GRID2: variants seen among roughly 807,000 people sequenced by gnomAD.
GRID2 encodes glutamate ionotropic receptor delta type subunit 2.
Under a neutral mutation model 114.8 loss-of-function variants are expected in GRID2, and 33 were observed. The ratio of observed to expected loss-of-function variants is 0.29; its 90% CI spans 0.22 to 0.38. The LOEUF is 0.38. GRID2 is among the 10% of genes least tolerant of loss of function. The pLI, the probability that GRID2 is intolerant of heterozygous loss-of-function variation, is 1.00. For missense variants in GRID2, 1,184 were observed against 1,257.7 expected, an observed-to-expected ratio of 0.94 and a Z score of 0.89; for synonymous variants, 505 against 449.9, an observed-to-expected ratio of 1.12 and a Z score of -1.55.
chr4:93,606,064 T>TTGGGTCAG (rs1401239916), intron 13 of GRID2, among the ~76,000 whole-genome samples: 1 of 151,980 alleles, frequency 6.6e-6, no homozygotes, highest in Non-Finnish European at 1.5e-5. Context: ...GTCAGGAGTT[T>TTGGGTCAG]GAGACCAGCC....
At chr4:93,126,624 G>A (rs1734292159) in intron 4 of GRID2, among the ~76,000 whole-genome samples, 1 of 108,418 alleles carries the variant, frequency 9.2e-6, no homozygotes, top group Non-Finnish European at 1.7e-5. Flanking sequence ...TTGAGACGGA[G>A]TCTCGCTCTG....
chr4:93,218,200 T>C (rs1347750653), intron 6 of GRID2, among the ~76,000 whole-genome samples: 2 of 152,008 alleles, frequency 1.3e-5, no homozygotes, highest in Non-Finnish European at 2.9e-5. Context: ...TTAAGCTCCT[T>C]TAGAATAGGT....
At chr4:92,667,852 C>A (rs1192195452) in intron 2 of GRID2, among the ~76,000 whole-genome samples, 2 of 151,762 alleles carry the variant, frequency 1.3e-5, no homozygotes, top group African/African-American at 4.8e-5. Flanking sequence ...GTTTCTAAAA[C>A]AGACAACAAG....
chr4:93,625,697 C>G (rs184930446), intron 13 of GRID2, among the ~76,000 whole-genome samples: 52 of 152,240 alleles, frequency 3.4e-4, no homozygotes, highest in African/African-American at 1.3e-3. Flanking sequence ...GGGCGGATTA[C>G]GAGGTCAGGA....
chr4:93,116,930 C>G (rs773252352), intron 4 of GRID2, among the ~76,000 whole-genome samples: 6 of 151,954 alleles, frequency 3.9e-5, no homozygotes, highest in Non-Finnish European at 5.9e-5. Flanking sequence ...CTGTATTTCC[C>G]CTAGGAGCAG....
At chr4:93,686,820 G>A (rs1449842315) in intron 14 of GRID2, among the ~76,000 whole-genome samples, 1 of 151,952 alleles carries the variant, frequency 6.6e-6, no homozygotes, top group Non-Finnish European at 1.5e-5. Context: ...GCCAAGGAAG[G>A]AAAGAGGTAG....
chr4:93,671,623 A>T (rs1724423139), intron 14 of GRID2, among the ~76,000 whole-genome samples: 1 of 152,200 alleles, frequency 6.6e-6, no homozygotes, highest in Admixed American at 6.5e-5. Context: ...ATGAGATTAG[A>T]AACATGAAAG....
At chr4:93,312,417 AG>A (rs1405395239) in intron 8 of GRID2, among the ~76,000 whole-genome samples, 1 of 152,188 alleles carries the variant, frequency 6.6e-6, no homozygotes, top group African/African-American at 2.4e-5. Flanking sequence ...TGGCATATAC[AG>A]GGACAAAAAC....
rs1038260371 is a variant in GRID2, at chr4:93,625,916, G to GA, written c.2194-347dup. ...GGCGACAGAGCAAGACTCCGTCTCA[G>GA]AAAAAACAAAACAAAACAAAACAAA... On this transcript the variant is annotated intron_variant, in intron 13 of 15. Coordinates refer to ENST00000282020, the MANE Select transcript of GRID2 (RefSeq NM_001510.4). Among the ~76,000 whole-genome samples the GA allele has an allele frequency of 1.0e-4, 13 of 128,790 alleles. No homozygotes were observed. The East Asian group carries it at 1.2e-3, about 12-fold the overall frequency. The allele number at this position is 128,790 out of a possible 152,430, so 84.5% of individuals were successfully genotyped here.
At chr4:93,021,814 A>C (rs1723382173) in intron 2 of GRID2, among the ~76,000 whole-genome samples, 1 of 146,550 alleles carries the variant, frequency 6.8e-6, no homozygotes, top group East Asian at 2.0e-4. Context: ...AATAAATTTT[A>C]ATATACTTAT....
chr4:93,076,984 C>T (rs1020070572), intron 2 of GRID2, among the ~76,000 whole-genome samples: 1 of 152,094 alleles, frequency 6.6e-6, no homozygotes, highest in African/African-American at 2.4e-5. Flanking sequence ...AGCAGTCCCT[C>T]AGTCTTTTAT....
At chr4:92,501,238 T>C (rs11933706) in intron 1 of GRID2, among the ~76,000 whole-genome samples, 2,220 of 152,248 alleles carry the variant, frequency 0.015, 54 homozygotes, top group African/African-American at 0.051. Flanking sequence ...TAGCCAACTA[T>C]TGTGTGGCAA....
intron 6 of GRID2, among the ~76,000 whole-genome samples, chr4:93,222,190 A>T (rs939518528): frequency 3.9e-5 from 6 of 152,146 alleles, no homozygotes; most frequent in African/African-American, 1.4e-4. Flanking sequence ...ATGAGTCCCC[A>T]TCCAGGAGGA....
At chr4:93,065,474 C>G (rs1578886180) in intron 2 of GRID2, among the ~76,000 whole-genome samples, 3 of 151,962 alleles carry the variant, frequency 2.0e-5, no homozygotes, top group East Asian at 3.9e-4. Flanking sequence ...ACTGTTTTTA[C>G]TTTATCTCTC....
intron 2 of GRID2, among the ~76,000 whole-genome samples, chr4:92,806,134 A>G (rs1170442456): frequency 6.6e-6 from 1 of 150,906 alleles, no homozygotes; most frequent in African/African-American, 2.4e-5. Flanking sequence ...TTTGCTATAA[A>G]CTATGTCAAA....
intron 10 of GRID2, among the ~76,000 whole-genome samples, chr4:93,429,771 TG>T (rs1186136847): frequency 6.6e-6 from 1 of 152,234 alleles, no homozygotes; most frequent in Non-Finnish European, 1.5e-5. Flanking sequence ...TTAATAGTGA[TG>T]TTTCCATGTT....
Position 93,422,973 on chromosome 4 carries a change from G to C in GRID2, c.1545+5G>C. Reference sequence around the variant, plus strand: ...GTAGGAGAACTTGTCTTTAAGGTAAGAATTACTTTATTTATTTGTCTCATA... The same window carrying C: ...GTAGGAGAACTTGTCTTTAAGGTAACAATTACTTTATTTATTTGTCTCATA... On this transcript the variant is annotated splice_donor_5th_base_variant and intron_variant, in intron 10 of 15. Transcript: ENST00000282020. The C allele has an allele frequency of 6.4e-7, 1 of 1,572,086 alleles. No individual in the cohort carries two copies. Among genetic ancestry groups the C allele is most frequent in the Non-Finnish European group, 8.8e-7 (1 of 1,142,030 alleles).
intron 1 of GRID2, among the ~76,000 whole-genome samples, chr4:92,399,393 G>A (rs1416086581): frequency 6.6e-6 from 1 of 152,034 alleles, no homozygotes; most frequent in Non-Finnish European, 1.5e-5. Flanking sequence ...CCCACTAACA[G>A]CCGTTGAGCT....
At chr4:92,771,177 A>G (rs1275871927) in intron 2 of GRID2, among the ~76,000 whole-genome samples, 1 of 152,146 alleles carries the variant, frequency 6.6e-6, no homozygotes, top group Non-Finnish European at 1.5e-5. Context: ...ATCTCAGACA[A>G]CTAGTTGTTT....
Sources: allele counts gnomAD v4.1 joint callset (sites outside exome capture counted in the v4.1 genomes callset), GRCh38; gene constraint gnomAD v4.1.1; transcripts MANE v1.5; gene names NCBI Gene and HGNC (gene_info 2026-07-23, HGNC 2026-07-21).